PPM1E: variants seen among roughly 807,000 people sequenced by gnomAD.
PPM1E encodes protein phosphatase 1E.
PPM1E carries 20 observed loss-of-function variants against 65.9 expected under a neutral mutation model. The observed-to-expected ratio is 0.30, with a 90% CI of 0.21 to 0.44. The LOEUF (loss-of-function observed/expected upper bound fraction) is 0.44, where lower values mean the gene tolerates loss of function less well. PPM1E is among the 20% of genes least tolerant of loss of function. The probability of loss-of-function intolerance (pLI) is 1.00; values close to 1 mark genes in which losing one functional copy is unlikely to be tolerated. For synonymous variants in PPM1E, 352 were observed against 374.9 expected (o/e 0.94, Z 0.70); for missense variants, 713 against 953.1 (o/e 0.75, Z 3.32).
chr17:58,820,454 T>G (rs1287301672), intron 1 of PPM1E, among the ~76,000 whole-genome samples: 2 of 152,176 alleles, frequency 1.3e-5, no homozygotes, highest in Non-Finnish European at 2.9e-5. Context: ...ATAATACATG[T>G]GATGTGCTAA....
Position 58,811,504 on chromosome 17 carries a change from C to T in PPM1E, c.464+55043C>T, listed in dbSNP as rs187589786. ...ATCTGTTATTAATTTGTATGCATTG[C>T]GCAATCTGAACAGAAGTGGTAGAAA... On this transcript the variant is annotated intron_variant, in intron 1 of 6. Coordinates refer to ENST00000308249, the MANE Select transcript of PPM1E (RefSeq NM_014906.5). Among the ~76,000 whole-genome samples the T allele has an allele frequency of 1.2e-4, 18 of 152,136 alleles. No individual in the cohort carries two copies. In the East Asian group the frequency reaches 2.3e-3, roughly 20 times the overall value.
intron 1 of PPM1E, among the ~76,000 whole-genome samples, chr17:58,926,201 C>T (rs577851723): frequency 2.6e-5 from 4 of 151,814 alleles, no homozygotes; most frequent in South Asian, 2.1e-4. Context: ...ATTAGCTGGG[C>T]GTGGTGGCAC....
chr17:58,786,706 GAATA>G (rs1356452335), intron 1 of PPM1E, among the ~76,000 whole-genome samples: 1 of 152,130 alleles, frequency 6.6e-6, no homozygotes, highest in East Asian at 1.9e-4. Flanking sequence ...GTAAAACCAT[GAATA>G]AAGAGAGACT....
At chr17:58,857,812 AAATT>A (rs1457145834) in intron 1 of PPM1E, among the ~76,000 whole-genome samples, 2 of 152,156 alleles carry the variant, frequency 1.3e-5, no homozygotes, top group African/African-American at 4.8e-5. Context: ...TGGTTTAAAA[AAATT>A]AATTCATAAA....
chr17:58,919,700 T>C (rs1320647646), intron 1 of PPM1E, among the ~76,000 whole-genome samples: 1 of 151,556 alleles, frequency 6.6e-6, no homozygotes, highest in African/African-American at 2.4e-5. Context: ...GGCAGGAGAA[T>C]CACTTGAACC....
intron 1 of PPM1E, among the ~76,000 whole-genome samples, chr17:58,814,014 G>A (rs1280171637): frequency 6.6e-6 from 1 of 151,996 alleles, no homozygotes; most frequent in African/African-American, 2.4e-5. Context: ...CCTAAATAAT[G>A]TAAAATAATA....
At chr17:58,887,342 T>C (rs999796350) in intron 1 of PPM1E, among the ~76,000 whole-genome samples, 17 of 152,194 alleles carry the variant, frequency 1.1e-4, no homozygotes, top group East Asian at 1.9e-4. Context: ...TTTTTTTGTA[T>C]TTTTAGTAGA....
chr17:58,859,344 G>A (rs1049070927), intron 1 of PPM1E, among the ~76,000 whole-genome samples: 12 of 152,190 alleles, frequency 7.9e-5, no homozygotes, highest in African/African-American at 1.7e-4. Flanking sequence ...CATAGCCACC[G>A]TCCTTTCAAG....
intron 1 of PPM1E, among the ~76,000 whole-genome samples, chr17:58,934,777 A>G (rs1259246231): frequency 1.3e-5 from 2 of 151,918 alleles, no homozygotes; most frequent in African/African-American, 2.4e-5. Context: ...AAATACAAAA[A>G]TTAGCTGGGC....
chr17:58,921,296 T>C (rs992341011), intron 1 of PPM1E, among the ~76,000 whole-genome samples: 1 of 152,146 alleles, frequency 6.6e-6, no homozygotes, highest in African/African-American at 2.4e-5. Context: ...ATTTTAACAT[T>C]GGAAACATTG....
At chr17:58,841,651 G>A (rs1434723327) in intron 1 of PPM1E, among the ~76,000 whole-genome samples, 1 of 151,246 alleles carries the variant, frequency 6.6e-6, no homozygotes, top group Non-Finnish European at 1.5e-5. Context: ...TCAGCCTCCC[G>A]AGTAGCTGGG....
At chr17:58,808,195 C>A (rs2050333052) in intron 1 of PPM1E, among the ~76,000 whole-genome samples, 2 of 152,138 alleles carry the variant, frequency 1.3e-5, no homozygotes, top group South Asian at 4.1e-4. Flanking sequence ...CAATTTTATG[C>A]TGGCTTATTT....
intron 1 of PPM1E, among the ~76,000 whole-genome samples, chr17:58,794,888 CTT>C (rs35841208): frequency 4.8e-4 from 63 of 131,550 alleles, no homozygotes; most frequent in Admixed American, 5.5e-4. Context: ...GTACATGTGT[CTT>C]TTTTTTTTTT....
intron 1 of PPM1E, among the ~76,000 whole-genome samples, chr17:58,846,862 G>T: frequency 6.6e-6 from 1 of 152,134 alleles, no homozygotes; most frequent in Non-Finnish European, 1.5e-5. Context: ...TTCCACAATG[G>T]TTGAACTAGT....
chr17:58,898,755 A>C (rs1232238820), intron 1 of PPM1E, among the ~76,000 whole-genome samples: 2 of 152,212 alleles, frequency 1.3e-5, no homozygotes, highest in Admixed American at 1.3e-4. Context: ...ACTTGGAACC[A>C]ACCCAAATGT....
At chr17:58,852,122 A>G (rs1038355208) in intron 1 of PPM1E, among the ~76,000 whole-genome samples, 1 of 152,184 alleles carries the variant, frequency 6.6e-6, no homozygotes, top group African/African-American at 2.4e-5. Flanking sequence ...TGCTAAGGCC[A>G]TTGGAAAAGT....
intron 1 of PPM1E, among the ~76,000 whole-genome samples, chr17:58,944,375 T>G (rs776045714): frequency 6.6e-6 from 1 of 152,128 alleles, no homozygotes; most frequent in South Asian, 2.1e-4. Flanking sequence ...TTTAAAAAAG[T>G]GTACAATTCA....
intron 5 of PPM1E, among the ~76,000 whole-genome samples, chr17:58,972,594 G>A (rs1008147900): frequency 6.6e-6 from 1 of 152,128 alleles, no homozygotes; most frequent in East Asian, 1.9e-4. Context: ...CAGGTGATCT[G>A]CCTGCTTCGG....
At chr17:58,926,429 T>G (rs2051824656) in intron 1 of PPM1E, among the ~76,000 whole-genome samples, 2 of 152,162 alleles carry the variant, frequency 1.3e-5, no homozygotes, top group Admixed American at 1.3e-4. Flanking sequence ...CTATTGCTTT[T>G]CATTATAACT....
Sources: allele counts gnomAD v4.1 joint callset (sites outside exome capture counted in the v4.1 genomes callset), GRCh38; gene constraint gnomAD v4.1.1; transcripts MANE v1.5; gene names NCBI Gene and HGNC (gene_info 2026-07-23, HGNC 2026-07-21).